The following GPM6A variants were observed in gnomAD, a reference collection of about 807,000 sequenced individuals.
GPM6A encodes the protein neuronal membrane glycoprotein M6-a.
GPM6A carries 7 observed loss-of-function variants against 32.1 expected under a neutral mutation model. That is an observed-to-expected ratio of 0.22 (90% confidence interval 0.12 to 0.41). The LOEUF (loss-of-function observed/expected upper bound fraction) is 0.41. Ranked by LOEUF, GPM6A falls within the 10% of genes least tolerant of loss-of-function variation. GPM6A has a pLI of 1.00. For missense variants in GPM6A, 235 were observed against 347.2 expected, an observed-to-expected ratio of 0.68 and a Z score of 2.57; for synonymous variants, 130 against 123.4, an observed-to-expected ratio of 1.05 and a Z score of -0.35.
At chr4:175,778,058 G>T (rs1223166720) in intron 1 of GPM6A, among the ~76,000 whole-genome samples, 1 of 152,046 alleles carries the variant, frequency 6.6e-6, no homozygotes, top group Non-Finnish European at 1.5e-5. Flanking sequence ...CATGTAATCT[G>T]CTTACCTTTC....
At chr4:175,893,336 T>C (rs1313515836) in intron 1 of GPM6A, among the ~76,000 whole-genome samples, 2 of 152,236 alleles carry the variant, frequency 1.3e-5, no homozygotes, top group Non-Finnish European at 1.5e-5. Context: ...TTTCAAAATT[T>C]CAACTATTCA....
chr4:175,755,096 A>G (rs1282135159), intron 1 of GPM6A, among the ~76,000 whole-genome samples: 1 of 152,166 alleles, frequency 6.6e-6, no homozygotes, highest in Non-Finnish European at 1.5e-5. Flanking sequence ...AGGGAAAAAT[A>G]AAACATTTAA....
chr4:175,875,155 T>C lies in GPM6A; in HGVS notation c.-22-62906A>G, dbSNP rs189142366. 9.2e-5 allele frequency among the ~76,000 whole-genome samples: 14 copies of C among 152,178 alleles called. No homozygotes were observed. In the East Asian group the frequency reaches 2.7e-3, roughly 29 times the overall value. On this transcript the variant is annotated intron_variant, in intron 1 of 7. Coordinates refer to the GPM6A transcript ENST00000280187. ...TGCAAGAATACTATAAGGATGGGAG[T>C]CTACACTGCCTAGCAGCTGTGCCCT...
intron 1 of GPM6A, among the ~76,000 whole-genome samples, chr4:175,751,781 T>G (rs951858416): frequency 1.3e-5 from 2 of 152,064 alleles, no homozygotes; most frequent in Non-Finnish European, 2.9e-5. Flanking sequence ...TTTTTTGGTT[T>G]GTTTGTTTGT....
At position 175,928,426 on chromosome 4, in the gene GPM6A, G is replaced by A. The variant is rs185818966; in HGVS notation, c.-23+73883C>T. 6.6e-5 allele frequency among the ~76,000 whole-genome samples: 10 copies of A among 152,240 alleles called. No individual in the cohort carries two copies. The East Asian group carries it at 1.9e-3, about 29-fold the overall frequency. On this transcript the variant is annotated intron_variant, in intron 1 of 7. Coordinates refer to the GPM6A transcript ENST00000280187. Reference sequence around the variant, plus strand: ...TTTCTCTTTTTCTTGTCCACACGTGGTGCCTTGGCTAAATGGTTTCATAAC... The same window carrying A: ...TTTCTCTTTTTCTTGTCCACACGTGATGCCTTGGCTAAATGGTTTCATAAC...
intron 1 of GPM6A, among the ~76,000 whole-genome samples, chr4:175,835,497 A>T (rs1217984283): frequency 1.3e-5 from 2 of 151,694 alleles, no homozygotes; most frequent in African/African-American, 4.8e-5. Flanking sequence ...AAATATATTT[A>T]AAATTAAAAA....
intron 1 of GPM6A, among the ~76,000 whole-genome samples, chr4:175,924,839 CAAAAAA>C (rs1190915755): frequency 1.6e-5 from 1 of 61,992 alleles, no homozygotes; most frequent in African/African-American, 4.5e-5. Context: ...AAATCTGTCT[CAAAAAA>C]AAAAAAAAAA....
At chr4:175,973,523 A>G (rs377296992) in intron 1 of GPM6A, among the ~76,000 whole-genome samples, 3 of 152,388 alleles carry the variant, frequency 2.0e-5, no homozygotes, top group East Asian at 3.9e-4. Flanking sequence ...CTTCCAACTC[A>G]GTCATACATG....
chr4:175,722,833 C>T (rs1439547505), intron 1 of GPM6A, among the ~76,000 whole-genome samples: 1 of 151,698 alleles, frequency 6.6e-6, no homozygotes, highest in Non-Finnish European at 1.5e-5. Context: ...CGCTTGAGCC[C>T]AGGAGTTCGA....
At chr4:175,904,511 T>A (rs946161206) in intron 1 of GPM6A, among the ~76,000 whole-genome samples, 10 of 152,238 alleles carry the variant, frequency 6.6e-5, no homozygotes, top group African/African-American at 2.2e-4. Flanking sequence ...AAAGTAAACA[T>A]TCTATTTTTT....
intron 2 of GPM6A, among the ~76,000 whole-genome samples, chr4:175,692,918 G>A (rs17061800): frequency 0.047 from 7,157 of 151,848 alleles, 202 homozygotes; most frequent in Non-Finnish European, 0.063. Context: ...TTTATATTCT[G>A]CTCCATTTTA....
chr4:175,856,567 T>C (rs1736423560), intron 1 of GPM6A, among the ~76,000 whole-genome samples: 2 of 152,240 alleles, frequency 1.3e-5, no homozygotes, highest in South Asian at 2.1e-4. Flanking sequence ...GTCAGTATGA[T>C]AGCCTTTTTG....
intron 2 of GPM6A, among the ~76,000 whole-genome samples, chr4:175,685,971 T>C (rs1743957793): frequency 6.6e-6 from 1 of 152,112 alleles, no homozygotes; most frequent in Non-Finnish European, 1.5e-5. Flanking sequence ...GTTTCAGGAA[T>C]AGGCTTAGAA....
intron 1 of GPM6A, among the ~76,000 whole-genome samples, chr4:175,837,790 T>C (rs1735813143): frequency 6.6e-6 from 1 of 152,204 alleles, no homozygotes. Flanking sequence ...TAGATAGTCA[T>C]CCATGTCCTC....
rs184651305 is a variant in GPM6A at position 175,874,311 on chromosome 4, T to A, written c.-22-62062A>T. On this transcript the variant is annotated intron_variant, in intron 1 of 7. Coordinates refer to the GPM6A transcript ENST00000280187. ...CAGGAGAAATACAGAAAACAAGAAG[T>A]CAGAGACATTTTAAAAATTGAATGT... 2.6e-5 allele frequency among the ~76,000 whole-genome samples: 4 copies of A among 152,132 alleles called. No individual in the cohort carries two copies. The East Asian group carries it at 5.8e-4, about 22-fold the overall frequency.
intron 1 of GPM6A, among the ~76,000 whole-genome samples, chr4:175,830,895 G>T (rs1735590538): frequency 6.6e-6 from 1 of 151,176 alleles, no homozygotes; most frequent in Non-Finnish European, 1.5e-5. Context: ...TACTAACTGG[G>T]TTGGGGAAAA....
chr4:175,872,889 T>C (rs1193460540), intron 1 of GPM6A, among the ~76,000 whole-genome samples: 3 of 152,190 alleles, frequency 2.0e-5, no homozygotes, highest in Non-Finnish European at 4.4e-5. Flanking sequence ...CTTATTAGGA[T>C]GAATTAAACT....
intron 1 of GPM6A, among the ~76,000 whole-genome samples, chr4:175,801,560 C>T (rs1419077126): frequency 6.6e-6 from 1 of 151,934 alleles, no homozygotes; most frequent in Admixed American, 6.6e-5. Context: ...GAGAATTTTC[C>T]AGGAATTTGT....
chr4:175,642,746 T>A (rs1005571930), intron 4 of GPM6A, among the ~76,000 whole-genome samples: 1 of 152,064 alleles, frequency 6.6e-6, no homozygotes, highest in African/African-American at 2.4e-5. Flanking sequence ...TTTTCTCCCA[T>A]GCATATCTCA....
Sources: gnomAD v4.1 joint callset for allele counts (sites outside exome capture counted in the v4.1 genomes callset) on GRCh38, gnomAD v4.1.1 for gene constraint, MANE v1.5 for transcripts, NCBI Gene and HGNC (gene_info 2026-07-23, HGNC 2026-07-21) for gene names.